Variants in LSP1 observed in about 807,000 individuals in gnomAD.
LSP1 encodes the protein lymphocyte-specific protein 1.
In LSP1, 32 loss-of-function variants were observed where a neutral mutation model predicts 49.3. The ratio of observed to expected loss-of-function variants is 0.65; its 90% CI spans 0.49 to 0.87. The LOEUF is 0.87. LSP1 is among the 40% of genes least tolerant of loss of function. The pLI, the probability that LSP1 is intolerant of heterozygous loss-of-function variation, is 0.00. For synonymous variants in LSP1, 179 were observed against 178.8 expected (o/e 1.00, Z -0.01); for missense variants, 428 against 442.6 (o/e 0.97, Z 0.30).
intron 1 of LSP1, chr11:1,871,006 G>A (rs1847974842): frequency 4.1e-6 from 4 of 985,640 alleles, no homozygotes; most frequent in East Asian, 1.1e-4. Context: ...CCCCTCCTGC[G>A]GGAAGCAGGC....
At chr11:1,871,714 C>T (rs977243805) in intron 1 of LSP1, among the ~76,000 whole-genome samples, 6 of 152,164 alleles carry the variant, frequency 3.9e-5, no homozygotes, top group Admixed American at 3.9e-4. Flanking sequence ...GTCTGTCCGG[C>T]TGGCGTGGGC....
rs370562045 is a variant in LSP1, at chr11:1,881,523, G to A, written c.283G>A (p.Glu95Lys). The A allele has an allele frequency of 1.1e-4, 178 of 1,559,748 alleles. 1 individual carries two copies. The highest frequency in any genetic ancestry group is 1.3e-4 in the Non-Finnish European group (150 of 1,151,518). ...SQRPEQRQQH[E>K]GAQGALDSGE... ...GAGGCCAGAGCAGCGGCAGCAGCAC[G>A]AGGGGGCGCAGGGCGCCTTGGACAG... The change falls in exon 3 of 11, where the codon GAG becomes AAG. Residue 95 changes from glutamate (E) to lysine (K), a missense_variant. Coordinates refer to ENST00000311604, the MANE Select transcript of LSP1 (RefSeq NM_002339.3).
Position 1,883,921 on chromosome 11 carries a change from T to C in LSP1, c.499-11T>C. ...GGGGGTCACTTGGGATGTCTGTTTT[T>C]TTTTTTCTAGCACCAGAAATGTCAG... On this transcript the variant is annotated splice_polypyrimidine_tract_variant and intron_variant, in intron 4 of 10. Transcript: ENST00000311604. The C allele has an allele frequency of 6.3e-7, 1 of 1,596,644 alleles. No individual in the cohort carries two copies. Among genetic ancestry groups the C allele is most frequent in the Non-Finnish European group, 8.5e-7 (1 of 1,175,404 alleles).
intron 1 of LSP1, among the ~76,000 whole-genome samples, chr11:1,862,310 T>C (rs888922952): frequency 1.3e-5 from 2 of 152,230 alleles, no homozygotes; most frequent in Non-Finnish European, 2.9e-5. Flanking sequence ...CCATGAATCT[T>C]GGCCGCTACA....
rs1030510358 is a variant in LSP1 at position 1,853,152 on chromosome 11, A to G, written c.8A>G (p.Glu3Gly). 1 of 1,610,888 alleles carries G rather than the reference A, an allele frequency of 6.2e-7. No individual in the cohort carries two copies. Among genetic ancestry groups the G allele is most frequent in the African/African-American group, 1.3e-5 (1 of 74,896 alleles). ...GGCCCAGACTACAGGCTGATGGCGG[A>G]GGCTTCGAGTGACCCGGGTGCCGAG... MAEASSDPGAEER... is the reference protein window; with the variant it reads MAGASSDPGAEER... The change falls in exon 1 of 11, where the codon GAG becomes GGG. Residue 3 changes from glutamate to glycine, a missense_variant. By Grantham distance (98) the Glu-to-Gly change is moderately conservative. Coordinates refer to ENST00000311604, the MANE Select transcript of LSP1 (RefSeq NM_002339.3).
chr11:1,871,071 G>A (rs1847979713), intron 1 of LSP1: 1 of 985,602 alleles, frequency 1.0e-6, no homozygotes, highest in Non-Finnish European at 1.2e-6. Flanking sequence ...GGCGGAGGAC[G>A]CTGATCGCGG....
chr11:1,884,773 T>C lies in LSP1; in HGVS notation c.717+192T>C, dbSNP rs1338556152. 6.6e-6 allele frequency among the ~76,000 whole-genome samples: 1 copy of C among 151,236 alleles called. No individual in the cohort carries two copies. The highest frequency in any genetic ancestry group is 2.4e-5 in the African/African-American group (1 of 41,074). ...TCCATCTAATCAATGTCACTCCATG[T>C]AATCAATGCCCCCCCTTTCAATCAA... On this transcript the variant is annotated intron_variant, in intron 7 of 10. Transcript: ENST00000311604. The surrounding 1 kb of genome is among the most constrained non-coding windows in gnomAD (Gnocchi z 4.1).
Position 1,871,476 on chromosome 11 carries a change from C to G in LSP1, c.54-8611C>G, listed in dbSNP as rs553111951. 8.1e-6 allele frequency: 8 copies of G among 986,424 alleles called. No homozygotes were observed. In the East Asian group the frequency reaches 5.6e-4, roughly 69 times the overall value. The allele number at this position is 986,424 out of a possible 1,614,324, so 61.1% of individuals were successfully genotyped here. ...GCAGGACATCAAGCCGGTTCTGGAC[C>G]CTGCTCTGAGGACGGTCCCTGACCC... On this transcript the variant is annotated intron_variant, in intron 1 of 10. Coordinates refer to ENST00000311604, the MANE Select transcript of LSP1 (RefSeq NM_002339.3).
chr11:1,890,145 C>G, intron 10 of LSP1: 1 of 717,114 alleles, frequency 1.4e-6, no homozygotes, highest in Admixed American at 2.0e-5. Context: ...CCCCATGGCC[C>G]TGAATTGAGC....
intron 1 of LSP1, chr11:1,869,504 G>T (rs1847904175): frequency 5.0e-6 from 2 of 400,714 alleles, no homozygotes; most frequent in Admixed American, 5.6e-5. Flanking sequence ...AGAGGGAGGG[G>T]CTGAGGTGCG....
intron 1 of LSP1, among the ~76,000 whole-genome samples, chr11:1,864,817 G>A (rs1428904618): frequency 1.3e-5 from 2 of 151,500 alleles, no homozygotes; most frequent in Non-Finnish European, 2.9e-5. Context: ...GGACCAGGCT[G>A]CCCACAGACC....
Position 1,884,045 on chromosome 11 carries a change from T to C in LSP1, c.591+21T>C. On this transcript the variant is annotated intron_variant, in intron 5 of 10. Transcript: ENST00000311604. The surrounding 1 kb of genome is among the most constrained non-coding windows in gnomAD (Gnocchi z 4.1). The stretch of plus-strand genomic sequence containing the variant: ...CCAAAGTAAGTTAAGCTGCAAAGCC[T>C]GCCATCTTCTCCCCTCTCCCGTACT... 6.3e-7 allele frequency: 1 copy of C among 1,597,048 alleles called. No homozygotes were observed. The highest frequency in any genetic ancestry group is 8.5e-7 in the Non-Finnish European group (1 of 1,172,006).
At chr11:1,856,594 C>A (rs1176384288) in intron 1 of LSP1, among the ~76,000 whole-genome samples, 1 of 152,256 alleles carries the variant, frequency 6.6e-6, no homozygotes, top group Admixed American at 6.5e-5. Context: ...CAGGGATGAC[C>A]TGAGGGGCTG....
chr11:1,881,726 G>A (rs1189622176), intron 3 of LSP1, 130 bp downstream of exon 3: 9 of 947,366 alleles, frequency 9.5e-6, no homozygotes, highest in East Asian at 7.0e-5. Context: ...AGGGCACCGC[G>A]GAGCTCCCTT....
chr11:1,883,527 G>A lies in LSP1; in HGVS notation c.465G>A (p.Leu155=), dbSNP rs1848635069. The change falls in exon 4 of 11, where the codon CTG becomes CTA. Residue 155 remains leucine (L), a synonymous_variant. Transcript: ENST00000311604. ...CAGAGGACACTGTCCAGGACAACCTGGGGGCCGCAGGGGCTGAGGAGGAAC... is the reference window on the plus strand; with the variant it reads ...CAGAGGACACTGTCCAGGACAACCTAGGGGCCGCAGGGGCTGAGGAGGAAC... ...PGPEDTVQDN[L]GAAGAEEEQE... is the part of the protein sequence containing the mutation. 1.2e-6 allele frequency: 2 copies of A among 1,613,278 alleles called. No homozygotes were observed. Among genetic ancestry groups the A allele is most frequent in the South Asian group, 1.1e-5 (1 of 91,038 alleles).
intron 1 of LSP1, chr11:1,869,807 G>A (rs1847921656): frequency 8.5e-6 from 4 of 468,920 alleles, no homozygotes; most frequent in Non-Finnish European, 1.8e-5. Context: ...GCGTGGGGGG[G>A]GCTGGTTTTC....
intron 1 of LSP1, among the ~76,000 whole-genome samples, chr11:1,877,061 G>T (rs929353048): frequency 2.0e-5 from 3 of 152,210 alleles, no homozygotes; most frequent in African/African-American, 4.8e-5. Context: ...GCAGCTGCAC[G>T]GGGCTGAGCC....
intron 1 of LSP1, among the ~76,000 whole-genome samples, chr11:1,875,812 C>G (rs1483628898): frequency 6.6e-6 from 1 of 152,202 alleles, no homozygotes; most frequent in Non-Finnish European, 1.5e-5. Flanking sequence ...ATGCCCCTCC[C>G]GCTGCCCCAC....
At chr11:1,858,679 C>T (rs1847549009) in intron 1 of LSP1, among the ~76,000 whole-genome samples, 1 of 152,192 alleles carries the variant, frequency 6.6e-6, no homozygotes, top group East Asian at 1.9e-4. Flanking sequence ...GGCAGCCCAG[C>T]AGGGCCCCTT....
Sources: allele counts gnomAD v4.1 joint callset (sites outside exome capture counted in the v4.1 genomes callset), GRCh38; gene constraint gnomAD v4.1.1; non-coding constraint Gnocchi (gnomAD v3.1); transcripts MANE v1.5; gene names NCBI Gene and HGNC (gene_info 2026-07-23, HGNC 2026-07-21).